FGL1: variants seen among roughly 807,000 people sequenced by gnomAD.
The protein encoded by FGL1 is fibrinogen like 1.
In FGL1, 59 loss-of-function variants were observed where a neutral mutation model predicts 43.7. The observed-to-expected ratio is 1.35, with a 90% CI of 1.10 to 1.68. The LOEUF (loss-of-function observed/expected upper bound fraction) is 1.68. FGL1 is among the 40% of genes most tolerant of loss of function. The probability of loss-of-function intolerance (pLI) is 0.00; values close to 1 mark genes in which losing one functional copy is unlikely to be tolerated. For missense variants in FGL1, 596 were observed against 373.0 expected (o/e 1.60, Z -4.92); for synonymous variants, 192 against 126.5 (o/e 1.52, Z -3.48).
rs773905546 is a variant in FGL1, at chr8:17,874,125, G to C, written c.405-9C>G. 1 of 1,606,906 alleles carries C rather than the reference G, an allele frequency of 6.2e-7. No homozygotes were observed. ...CATAGTCTTTCCATCCTCTAAAAAA[G>C]GTAAAGTGGAAGCCGATTAGAGCAA... is the stretch of plus-strand genomic sequence containing the variant. On this transcript the variant is annotated splice_polypyrimidine_tract_variant and intron_variant, in intron 4 of 7. Transcript: ENST00000427924.
Position 17,882,176 on chromosome 8 carries a change from G to A in FGL1, c.67C>T (p.Leu23Phe), listed in dbSNP as rs775897700. The part of the protein sequence containing the change: ...ALTMGREISA[L>F]EDCAQEQMRL... ...ATCTGCTCCTGGGCACAGTCCTCGA[G>A]CGCCTGCAAAACAGGTGAGATGAGA... is the stretch of plus-strand genomic sequence containing the variant. The change falls in exon 3 of 8, where the codon CTC becomes TTC. Residue 23 changes from leucine to phenylalanine, a missense_variant. Leu to Phe is a conservative substitution (Grantham distance 22). Coordinates refer to ENST00000427924, the MANE Select transcript of FGL1 (RefSeq NM_004467.4). 6.2e-7 allele frequency: 1 copy of A among 1,612,678 alleles called. No homozygotes were observed. The highest frequency in any genetic ancestry group is 1.7e-5 in the Admixed American group (1 of 59,830).
chr8:17,891,184 G>C (rs423944), intron 1 of FGL1: 15,349 of 152,134 alleles, frequency 0.1, 1,417 homozygotes, highest in African/African-American at 0.24. Context: ...TACTGTACTA[G>C]TTTCTTGAGG....
intron 3 of FGL1, among the ~76,000 whole-genome samples, chr8:17,875,535 C>CTTTCTTTCTCTCTCTT (rs1554564386): frequency 3.9e-5 from 1 of 25,456 alleles, no homozygotes; most frequent in Non-Finnish European, 9.3e-5. Context: ...TTCTTTCTTT[C>CTTTCTTTCTCTCTCTT]TCTTTCTTTC....
At chr8:17,891,398 C>G (rs2053702922) in intron 1 of FGL1, 1 of 152,186 alleles carries the variant, frequency 6.6e-6, no homozygotes, top group East Asian at 1.9e-4. Flanking sequence ...GGCAGTATCA[C>G]TCTATTCTCT....
intron 5 of FGL1, among the ~76,000 whole-genome samples, chr8:17,871,636 T>A (rs1229154296): frequency 2.0e-5 from 3 of 152,222 alleles, no homozygotes; most frequent in Non-Finnish European, 1.5e-5. Flanking sequence ...CCACTACTTC[T>A]AGTTGAGATT....
rs147646861 is a variant in FGL1, at chr8:17,889,150, C to T, written c.-17-3579G>A. Among the ~76,000 whole-genome samples the T allele has an allele frequency of 4.6e-3, 699 of 152,244 alleles. 3 individuals are homozygous for T. The highest frequency in any genetic ancestry group is 0.016 in the African/African-American group (661 of 41,534). On this transcript the variant is annotated intron_variant, in intron 1 of 7. Transcript: ENST00000427924. ...ATATTACTTACATTAAAGGGCCCAT[C>T]ATCAAGGGGACAAGGGCTATTTCCC...
At chr8:17,876,389 T>A (rs935842289) in intron 3 of FGL1, among the ~76,000 whole-genome samples, 1 of 152,172 alleles carries the variant, frequency 6.6e-6, no homozygotes, top group Non-Finnish European at 1.5e-5. Context: ...AGTCATTTTA[T>A]AAAGCCTTCA....
intron 1 of FGL1, chr8:17,891,293 G>A (rs1320626196): frequency 6.6e-6 from 1 of 152,014 alleles, no homozygotes; most frequent in Non-Finnish European, 1.5e-5. Flanking sequence ...AGAAGAACAG[G>A]GCCATACTTC....
chr8:17,893,436 TAC>T (rs981158885), intron 1 of FGL1, among the ~76,000 whole-genome samples: 6 of 149,946 alleles, frequency 4.0e-5, no homozygotes, highest in African/African-American at 1.5e-4. Context: ...ATATTATATA[TAC>T]ATTATATAAG....
chr8:17,881,214 G>A (rs2053530652), intron 3 of FGL1, among the ~76,000 whole-genome samples: 1 of 150,224 alleles, frequency 6.7e-6, no homozygotes, highest in African/African-American at 2.5e-5. Flanking sequence ...TTGGCTCACT[G>A]CAACCTGCGA....
intron 3 of FGL1, among the ~76,000 whole-genome samples, chr8:17,880,324 C>A (rs888545898): frequency 2.0e-5 from 3 of 152,208 alleles, no homozygotes; most frequent in Admixed American, 2.0e-4. Flanking sequence ...GTCTCATGCG[C>A]TACAGTGTGA....
At chr8:17,889,025 A>C (rs2053667302) in intron 1 of FGL1, among the ~76,000 whole-genome samples, 1 of 152,188 alleles carries the variant, frequency 6.6e-6, no homozygotes, top group Non-Finnish European at 1.5e-5. Context: ...ATGGGACAGT[A>C]AGCGTAGTTC....
chr8:17,885,618 T>G, intron 1 of FGL1, 47 bp from the exon 2 acceptor site: 1 of 1,536,822 alleles, frequency 6.5e-7, no homozygotes, highest in Non-Finnish European at 9.0e-7. Context: ...CTTGAATTTT[T>G]CATGAGACCA....
intron 5 of FGL1, 139 bp downstream of exon 5, chr8:17,873,880 A>T: frequency 2.0e-6 from 1 of 492,002 alleles, no homozygotes. Flanking sequence ...ATTTGGGATT[A>T]TTGCCCAAAA....
intron 1 of FGL1, among the ~76,000 whole-genome samples, chr8:17,888,905 A>C (rs34218033): frequency 1.3e-3 from 199 of 152,332 alleles, no homozygotes; most frequent in Non-Finnish European, 2.4e-3. Context: ...CTAGTCCTCT[A>C]ATCCCTGTCA....
intron 1 of FGL1, among the ~76,000 whole-genome samples, chr8:17,893,404 T>A (rs1351445156): frequency 1.3e-5 from 2 of 150,396 alleles, no homozygotes; most frequent in Admixed American, 1.3e-4. Flanking sequence ...TTATTATACA[T>A]AATATGTATA....
At chr8:17,887,643 T>C (rs2053648697) in intron 1 of FGL1, among the ~76,000 whole-genome samples, 1 of 152,120 alleles carries the variant, frequency 6.6e-6, no homozygotes, top group African/African-American at 2.4e-5. Context: ...GAGGCCAGCA[T>C]GGCCAACATA....
Position 17,895,431 on chromosome 8 carries a change from A to T in FGL1, c.-18+16T>A. 1 of 1,283,016 alleles carries T rather than the reference A, an allele frequency of 7.8e-7. No homozygotes were observed. The allele number at this position is 1,283,016 out of a possible 1,614,324, so 79.5% of individuals were successfully genotyped here. On this transcript the variant is annotated intron_variant, in intron 1 of 7. Coordinates refer to ENST00000427924, the MANE Select transcript of FGL1 (RefSeq NM_004467.4). Reference sequence around the variant, plus strand: ...TTACAAGCATGTCAAAAATGCAGAGACATTAAATAACTTGCCTAAAGTCAG... The same window carrying T: ...TTACAAGCATGTCAAAAATGCAGAGTCATTAAATAACTTGCCTAAAGTCAG...
At chr8:17,869,286 GA>G (rs35020590) in intron 5 of FGL1, among the ~76,000 whole-genome samples, 9,293 of 152,028 alleles carry the variant, frequency 0.061, 487 homozygotes, top group African/African-American at 0.14. Context: ...ATGAACAACA[GA>G]AAAAATAAGT....
Sources: gnomAD v4.1 joint callset for allele counts (sites outside exome capture counted in the v4.1 genomes callset) on GRCh38, gnomAD v4.1.1 for gene constraint, MANE v1.5 for transcripts, NCBI Gene and HGNC (gene_info 2026-07-23, HGNC 2026-07-21) for gene names.